ASTN2: variants seen among roughly 807,000 people sequenced by gnomAD.
The protein encoded by ASTN2 is astrotactin-2.
ASTN2 carries 54 observed loss-of-function variants against 139.8 expected under a neutral mutation model. The ratio of observed to expected loss-of-function variants is 0.39; its 90% confidence interval spans 0.31 to 0.48. The LOEUF is 0.48. Ranked by LOEUF, ASTN2 falls within the 20% of genes least tolerant of loss-of-function variation. The pLI is 0.95. For missense variants in ASTN2, 1,565 were observed against 1,725.1 expected (o/e 0.91, Z 1.64); for synonymous variants, 756 against 719.5 (o/e 1.05, Z -0.81).
chr9:117,187,002 G>A (rs187066430), intron 3 of ASTN2, among the ~76,000 whole-genome samples: 3 of 152,232 alleles, frequency 2.0e-5, no homozygotes, highest in Admixed American at 6.5e-5. Context: ...GTTGGTGCAC[G>A]CCTGTAATCC....
At chr9:116,895,163 CT>C (rs1833852247) in intron 10 of ASTN2, among the ~76,000 whole-genome samples, 1 of 152,134 alleles carries the variant, frequency 6.6e-6, no homozygotes, top group South Asian at 2.1e-4. Context: ...AATTCCATAC[CT>C]TTTCTTTCTG....
At chr9:116,530,996 TA>T in intron 19 of ASTN2, among the ~76,000 whole-genome samples, 1 of 152,304 alleles carries the variant, frequency 6.6e-6, no homozygotes, top group Admixed American at 6.5e-5. Context: ...TTTAAGTTAT[TA>T]AAAAACAGAA....
intron 13 of ASTN2, among the ~76,000 whole-genome samples, chr9:116,796,143 T>G (rs1830681359): frequency 1.3e-5 from 2 of 152,160 alleles, no homozygotes; most frequent in African/African-American, 4.8e-5. Flanking sequence ...TTCCATTTAA[T>G]TATCTCAACA....
At chr9:116,481,310 A>G (rs1309422352) in intron 20 of ASTN2, among the ~76,000 whole-genome samples, 6 of 152,146 alleles carry the variant, frequency 3.9e-5, no homozygotes, top group Admixed American at 3.3e-4. Context: ...AGCCTGGGAG[A>G]TTGAGGCTGC....
intron 19 of ASTN2, among the ~76,000 whole-genome samples, chr9:116,537,616 A>T (rs1261224015): frequency 2.0e-5 from 3 of 152,236 alleles, no homozygotes; most frequent in Non-Finnish European, 4.4e-5. Flanking sequence ...AAAGCCAGAA[A>T]ACCTAAGAGT....
chr9:117,172,357 C>T (rs1247900406), intron 3 of ASTN2, among the ~76,000 whole-genome samples: 1 of 151,772 alleles, frequency 6.6e-6, no homozygotes, highest in Non-Finnish European at 1.5e-5. Flanking sequence ...ATTTCAAAGG[C>T]CACTGTATCG....
chr9:116,518,819 C>T (rs1389102832), intron 19 of ASTN2, among the ~76,000 whole-genome samples: 1 of 152,016 alleles, frequency 6.6e-6, no homozygotes, highest in South Asian at 2.1e-4. Context: ...AAAAGATATT[C>T]CATGCAAACA....
rs530887046 is a variant in ASTN2, at chr9:117,404,983, C to A, written c.442+9514G>T. ...GCTTGTCAAGTGGGTCCAGGAGTAA[C>A]AAGAGGCATCTGGAGAGTATGAGAC... On this transcript the variant is annotated intron_variant, in intron 1 of 22. Coordinates refer to ENST00000313400, the MANE Select transcript of ASTN2 (RefSeq NM_001365068.1). Among the ~76,000 whole-genome samples, 4 of 152,206 alleles carry A rather than the reference C, an allele frequency of 2.6e-5. No individual in the cohort carries two copies. In the East Asian group the frequency reaches 7.7e-4, roughly 29 times the overall value.
chr9:116,855,323 C>CTGAT (rs1190940955), intron 11 of ASTN2, among the ~76,000 whole-genome samples: 1 of 152,230 alleles, frequency 6.6e-6, no homozygotes, highest in Non-Finnish European at 1.5e-5. Context: ...GCAAATGCTC[C>CTGAT]TGATTGAGGA....
At chr9:117,194,832 A>G (rs1415514310) in intron 3 of ASTN2, among the ~76,000 whole-genome samples, 1 of 152,250 alleles carries the variant, frequency 6.6e-6, no homozygotes, top group Non-Finnish European at 1.5e-5. Flanking sequence ...TTTATGAGAT[A>G]GATGCAAAGA....
chr9:117,114,147 CTT>C (rs1485641274), intron 4 of ASTN2, among the ~76,000 whole-genome samples: 3 of 147,230 alleles, frequency 2.0e-5, no homozygotes, highest in Non-Finnish European at 4.5e-5. Context: ...TTTAGAAACT[CTT>C]TTTAATGAAC....
At chr9:116,944,681 C>CAA (rs34943919) in intron 10 of ASTN2, among the ~76,000 whole-genome samples, 1,330 of 52,492 alleles carry the variant, frequency 0.025, 63 homozygotes, top group Middle Eastern at 0.051. Context: ...GACTCTGTCT[C>CAA]AAAAAAAAAA....
At chr9:116,605,174 G>A (rs1380416640) in intron 19 of ASTN2, among the ~76,000 whole-genome samples, 1 of 152,160 alleles carries the variant, frequency 6.6e-6, no homozygotes, top group South Asian at 2.1e-4. Context: ...AGAGACAAGA[G>A]TTGAGAGTTG....
At chr9:117,319,258 C>T (rs1450244916) in intron 1 of ASTN2, among the ~76,000 whole-genome samples, 1 of 152,066 alleles carries the variant, frequency 6.6e-6, no homozygotes, top group Admixed American at 6.5e-5. Flanking sequence ...TATTTTAGTC[C>T]AATTCTTCCT....
At chr9:117,169,694 C>T (rs371164126) in intron 3 of ASTN2, among the ~76,000 whole-genome samples, 5 of 151,090 alleles carry the variant, frequency 3.3e-5, no homozygotes, top group Non-Finnish European at 4.4e-5. Context: ...ATTCTGTGGG[C>T]GCCTACTATG....
chr9:117,289,653 C>T (rs758967413), intron 2 of ASTN2, among the ~76,000 whole-genome samples: 2 of 152,148 alleles, frequency 1.3e-5, no homozygotes, highest in African/African-American at 2.4e-5. Context: ...CACACCCCTC[C>T]GCCTCTTCCT....
At chr9:117,150,945 CCTCA>C (rs1830313841) in intron 3 of ASTN2, among the ~76,000 whole-genome samples, 1 of 152,056 alleles carries the variant, frequency 6.6e-6, no homozygotes, top group Non-Finnish European at 1.5e-5. Context: ...TCAAGTAATC[CCTCA>C]CTCAGCCTCC....
chr9:117,293,988 C>T (rs1003369319), intron 1 of ASTN2, among the ~76,000 whole-genome samples: 13 of 152,326 alleles, frequency 8.5e-5, no homozygotes, highest in Non-Finnish European at 1.6e-4. Flanking sequence ...CAGTTGAAGG[C>T]GGAGCGAGCA....
chr9:116,970,993 T>C (rs908561175), intron 10 of ASTN2, among the ~76,000 whole-genome samples: 1 of 152,080 alleles, frequency 6.6e-6, no homozygotes, highest in Admixed American at 6.6e-5. Context: ...TCCACAAGCA[T>C]CTTTTATTCC....
Sources: gnomAD v4.1 joint callset for allele counts (sites outside exome capture counted in the v4.1 genomes callset) on GRCh38, gnomAD v4.1.1 for gene constraint, MANE v1.5 for transcripts, NCBI Gene and HGNC (gene_info 2026-07-23, HGNC 2026-07-21) for gene names.